The following ZBTB7C variants were observed in gnomAD, a reference collection of about 807,000 sequenced individuals.
The protein encoded by ZBTB7C is zinc finger and BTB domain-containing protein 7C.
In ZBTB7C, 8 loss-of-function variants were observed where a neutral mutation model predicts 25.7. The ratio of observed to expected loss-of-function variants is 0.31; its 90% confidence interval spans 0.18 to 0.56. The LOEUF is 0.56. ZBTB7C is among the 20% of genes least tolerant of loss of function. ZBTB7C has a pLI of 0.91. For synonymous variants in ZBTB7C, 394 were observed against 369.0 expected, an observed-to-expected ratio of 1.07 and a Z score of -0.78; for missense variants, 824 against 855.2, an observed-to-expected ratio of 0.96 and a Z score of 0.46.
chr18:48,093,409 C>T (rs554604216), intron 3 of ZBTB7C, among the ~76,000 whole-genome samples: 14 of 152,324 alleles, frequency 9.2e-5, no homozygotes, highest in African/African-American at 3.4e-4. Flanking sequence ...TAAGCAGGCT[C>T]AGGACTGGCC....
At chr18:48,173,015 A>G (rs2041543740) in intron 3 of ZBTB7C, among the ~76,000 whole-genome samples, 1 of 152,188 alleles carries the variant, frequency 6.6e-6, no homozygotes, top group Admixed American at 6.5e-5. Flanking sequence ...CTGTTCTGAG[A>G]ATGGAGGCCT....
At chr18:48,347,430 C>T (rs989479403) in intron 1 of ZBTB7C, among the ~76,000 whole-genome samples, 2 of 152,174 alleles carry the variant, frequency 1.3e-5, no homozygotes, top group Non-Finnish European at 2.9e-5. Flanking sequence ...TTCCCTGCTT[C>T]CCCTAGGAAG....
chr18:48,059,412 C>T (rs1225792009), intron 3 of ZBTB7C, among the ~76,000 whole-genome samples: 3 of 152,130 alleles, frequency 2.0e-5, no homozygotes, highest in Non-Finnish European at 2.9e-5. Context: ...GGCTGGTACC[C>T]TCCTAAGTAT....
chr18:48,317,647 C>A (rs979398656), intron 2 of ZBTB7C, among the ~76,000 whole-genome samples: 1 of 152,206 alleles, frequency 6.6e-6, no homozygotes, highest in African/African-American at 2.4e-5. Context: ...CACATGGCAT[C>A]TCAGTGAAAC....
intron 2 of ZBTB7C, among the ~76,000 whole-genome samples, chr18:48,204,057 G>A (rs866866983): frequency 1.3e-5 from 2 of 152,194 alleles, no homozygotes; most frequent in South Asian, 2.1e-4. Context: ...CCTGGGAGAT[G>A]GGGGCTCCCC....
In ZBTB7C at chr18:48,040,525, G is replaced by A. The variant is rs894784862; in HGVS notation, c.583C>T (p.Leu195Phe). ...CHQSPSKTDH[L>F]TEKAYSDTPR... ...GTGTCTGAATAGGCCTTCTCTGTGAGATGGTCTGTCTTGGAAGGGCTTTGG... is the reference window on the plus strand; with the variant it reads ...GTGTCTGAATAGGCCTTCTCTGTGAAATGGTCTGTCTTGGAAGGGCTTTGG... The change falls in exon 4 of 5, where the codon CTC becomes TTC. Residue 195 changes from leucine (L) to phenylalanine (F), a missense_variant. Transcript: ENST00000590800. The A allele has an allele frequency of 1.2e-6, 2 of 1,614,014 alleles. No individual in the cohort carries two copies. Among genetic ancestry groups the A allele is most frequent in the Non-Finnish European group, 1.7e-6 (2 of 1,179,946 alleles).
chr18:48,393,370 G>C (rs2047948048), intron 1 of ZBTB7C, among the ~76,000 whole-genome samples: 1 of 151,518 alleles, frequency 6.6e-6, no homozygotes, highest in Non-Finnish European at 1.5e-5. Flanking sequence ...ATGAAACAAA[G>C]GGATTCCTTT....
chr18:48,175,922 G>C (rs2041659790), intron 3 of ZBTB7C, among the ~76,000 whole-genome samples: 3 of 152,218 alleles, frequency 2.0e-5, no homozygotes, highest in Admixed American at 2.0e-4. Context: ...CAGTGCTGGA[G>C]TTGGAAATGC....
chr18:48,047,259 C>T (rs532456945), intron 3 of ZBTB7C, among the ~76,000 whole-genome samples: 1 of 152,234 alleles, frequency 6.6e-6, no homozygotes, highest in South Asian at 2.1e-4. Context: ...TGCCCCCATG[C>T]CTTCCATCCC....
At chr18:48,122,624 G>A (rs1010178880) in intron 3 of ZBTB7C, among the ~76,000 whole-genome samples, 1 of 152,200 alleles carries the variant, frequency 6.6e-6, no homozygotes. Context: ...GACTTAATAT[G>A]TTACAACAGG....
chr18:48,157,081 G>T (rs1160939245), intron 3 of ZBTB7C, among the ~76,000 whole-genome samples: 2 of 152,128 alleles, frequency 1.3e-5, no homozygotes, highest in East Asian at 1.9e-4. Context: ...GGTGGGAGAG[G>T]GTAGAGCCAC....
At chr18:48,030,225 C>T (rs2035685362) in intron 4 of ZBTB7C, among the ~76,000 whole-genome samples, 2 of 152,236 alleles carry the variant, frequency 1.3e-5, no homozygotes, top group Non-Finnish European at 2.9e-5. Context: ...TGGGAAGATA[C>T]TTCGCCAGAA....
chr18:48,223,906 G>T (rs1204090460), intron 2 of ZBTB7C, among the ~76,000 whole-genome samples: 1 of 152,166 alleles, frequency 6.6e-6, no homozygotes, highest in African/African-American at 2.4e-5. Context: ...AGAAAACCTT[G>T]GAGACAGAAG....
intron 4 of ZBTB7C, among the ~76,000 whole-genome samples, chr18:48,035,039 C>G (rs1177190525): frequency 6.6e-6 from 1 of 152,192 alleles, no homozygotes; most frequent in Non-Finnish European, 1.5e-5. Context: ...ATTACATTAT[C>G]TTAATAGGGT....
intron 2 of ZBTB7C, among the ~76,000 whole-genome samples, chr18:48,324,395 G>C (rs1028750820): frequency 6.6e-6 from 1 of 152,076 alleles, no homozygotes; most frequent in Non-Finnish European, 1.5e-5. Flanking sequence ...TGTCAGTGAG[G>C]CATGCAGTTT....
intron 1 of ZBTB7C, among the ~76,000 whole-genome samples, chr18:48,399,540 C>T (rs1568425258): frequency 1.3e-5 from 2 of 152,100 alleles, no homozygotes; most frequent in East Asian, 1.9e-4. Context: ...GGTGGGGTGG[C>T]GGGTGGCAGC....
intron 3 of ZBTB7C, among the ~76,000 whole-genome samples, chr18:48,079,906 C>A (rs1461551158): frequency 6.6e-6 from 1 of 152,238 alleles, no homozygotes; most frequent in Admixed American, 6.5e-5. Flanking sequence ...GTCTGTGGGC[C>A]AGTGGGCAAG....
chr18:48,130,488 G>T (rs965646543), intron 3 of ZBTB7C, among the ~76,000 whole-genome samples: 1 of 152,132 alleles, frequency 6.6e-6, no homozygotes, highest in Non-Finnish European at 1.5e-5. Flanking sequence ...CCCTTGAAGA[G>T]CGTGACTGTC....
chr18:48,304,524 A>T (rs2045622125), intron 2 of ZBTB7C, among the ~76,000 whole-genome samples: 1 of 152,014 alleles, frequency 6.6e-6, no homozygotes, highest in South Asian at 2.1e-4. Context: ...AAAATACAAA[A>T]ATTAGCCAGG....
Sources: allele counts gnomAD v4.1 joint callset (sites outside exome capture counted in the v4.1 genomes callset), GRCh38; gene constraint gnomAD v4.1.1; transcripts MANE v1.5; gene names NCBI Gene and HGNC (gene_info 2026-07-23, HGNC 2026-07-21).